MYT1L: variants seen among roughly 807,000 people sequenced by gnomAD.
The protein encoded by MYT1L is myelin transcription factor 1-like protein.
A neutral mutation model predicts 126.7 loss-of-function variants in MYT1L; 12 were observed. The observed-to-expected ratio is 0.09, with a 90% confidence interval of 0.06 to 0.15. The LOEUF is 0.15. MYT1L is among the 10% of genes least tolerant of loss of function. MYT1L has a pLI of 1.00. For synonymous variants in MYT1L, 541 were observed against 604.2 expected (o/e 0.90, Z 1.53); for missense variants, 979 against 1,585.2 (o/e 0.62, Z 6.49).
chr2:2,299,246 G>C (rs1573334667), intron 1 of MYT1L, among the ~76,000 whole-genome samples: 1 of 152,200 alleles, frequency 6.6e-6, no homozygotes, highest in African/African-American at 2.4e-5. Flanking sequence ...TTTCTCTAAG[G>C]GGGAGCACCC....
intron 21 of MYT1L, among the ~76,000 whole-genome samples, chr2:1,823,517 A>G (rs894025493): frequency 2.6e-5 from 4 of 152,166 alleles, no homozygotes; most frequent in African/African-American, 9.6e-5. Flanking sequence ...CAGCTCCCCC[A>G]GGACGGAAGC....
intron 21 of MYT1L, among the ~76,000 whole-genome samples, chr2:1,834,213 C>T (rs1280962457): frequency 6.6e-6 from 1 of 152,216 alleles, no homozygotes; most frequent in Non-Finnish European, 1.5e-5. Flanking sequence ...AGGGGCCCTC[C>T]AAACTCCAAT....
intron 3 of MYT1L, among the ~76,000 whole-genome samples, chr2:2,128,043 C>A (rs541507820): frequency 1.3e-5 from 2 of 152,284 alleles, no homozygotes; most frequent in South Asian, 4.1e-4. Context: ...AGTATCATAA[C>A]AATGCTAATT....
At chr2:1,947,236 T>G (rs1472613734) in intron 8 of MYT1L, among the ~76,000 whole-genome samples, 1 of 152,188 alleles carries the variant, frequency 6.6e-6, no homozygotes, top group East Asian at 1.9e-4. Flanking sequence ...ATTTTCTCCC[T>G]GCTCATTCAC....
chr2:2,253,379 A>G (rs566382255), intron 2 of MYT1L, among the ~76,000 whole-genome samples: 27 of 152,344 alleles, frequency 1.8e-4, no homozygotes, highest in African/African-American at 6.3e-4. Flanking sequence ...CTGAGTCAGC[A>G]TATGAAATTT....
chr2:2,159,020 C>T (rs973435127), intron 3 of MYT1L, among the ~76,000 whole-genome samples: 1 of 152,170 alleles, frequency 6.6e-6, no homozygotes, highest in Non-Finnish European at 1.5e-5. Flanking sequence ...GAAGTCTAAC[C>T]TAACATCTAA....
chr2:2,078,811 G>C (rs2075498274), intron 3 of MYT1L, among the ~76,000 whole-genome samples: 1 of 152,188 alleles, frequency 6.6e-6, no homozygotes, highest in African/African-American at 2.4e-5. Flanking sequence ...TTGCAGGGTA[G>C]AATATCAGTA....
At chr2:2,194,461 A>C (rs1018530049) in intron 2 of MYT1L, among the ~76,000 whole-genome samples, 13 of 152,326 alleles carry the variant, frequency 8.5e-5, no homozygotes, top group African/African-American at 3.1e-4. Context: ...ATGTATAGCT[A>C]TATTCCTTTA....
At chr2:1,961,863 C>T (rs1216790819) in intron 8 of MYT1L, among the ~76,000 whole-genome samples, 1 of 152,094 alleles carries the variant, frequency 6.6e-6, no homozygotes, top group African/African-American at 2.4e-5. Flanking sequence ...TACGGTTTGA[C>T]AGAAGAAATA....
At chr2:2,012,846 T>C (rs773661955) in intron 4 of MYT1L, among the ~76,000 whole-genome samples, 25 of 152,196 alleles carry the variant, frequency 1.6e-4, no homozygotes, top group African/African-American at 3.6e-4. Context: ...GGGTGCCTCA[T>C]TGCACTTCAG....
rs73913418 is a variant in MYT1L, at chr2:1,820,243, T to C, written c.3081-11076A>G. 9.6e-3 allele frequency among the ~76,000 whole-genome samples: 1,461 copies of C among 152,332 alleles called. 27 individuals carry two copies. Among genetic ancestry groups the C allele is most frequent in the African/African-American group, 0.033 (1,387 of 41,574 alleles). ...AATACTGAGTGTGCAATCATTTTCC[T>C]AAGAGTTTTGAAGGCATTGTTCTAT... is the stretch of plus-strand genomic sequence containing the variant. On this transcript the variant is annotated intron_variant, in intron 21 of 24. Coordinates refer to ENST00000647738, the MANE Select transcript of MYT1L (RefSeq NM_001303052.2).
chr2:2,321,965 A>G (rs1021647263), intron 1 of MYT1L, among the ~76,000 whole-genome samples: 1 of 152,202 alleles, frequency 6.6e-6, no homozygotes, highest in East Asian at 1.9e-4. Flanking sequence ...TGGCACACAT[A>G]CTAACCCTAT....
At chr2:1,945,668 A>T (rs952352097) in intron 8 of MYT1L, among the ~76,000 whole-genome samples, 5 of 152,198 alleles carry the variant, frequency 3.3e-5, no homozygotes, top group Non-Finnish European at 5.9e-5. Context: ...ATGAAAAAAT[A>T]TATATATATG....
intron 18 of MYT1L, among the ~76,000 whole-genome samples, chr2:1,856,993 C>G (rs1432752590): frequency 6.6e-6 from 1 of 152,252 alleles, no homozygotes; most frequent in Non-Finnish European, 1.5e-5. Context: ...TGAGGACAAC[C>G]TCCCACCATC....
chr2:2,186,457 C>T (rs537551035), intron 2 of MYT1L, among the ~76,000 whole-genome samples: 1 of 152,344 alleles, frequency 6.6e-6, no homozygotes, highest in South Asian at 2.1e-4. Context: ...AAATATGGAC[C>T]TCGATGAACA....
intron 1 of MYT1L, among the ~76,000 whole-genome samples, chr2:2,328,977 G>A (rs1418823753): frequency 6.6e-6 from 1 of 152,178 alleles, no homozygotes; most frequent in African/African-American, 2.4e-5. Context: ...GGTGATGAAA[G>A]TGAGCCATTT....
At chr2:2,145,724 A>G (rs558511181) in intron 3 of MYT1L, among the ~76,000 whole-genome samples, 1 of 152,312 alleles carries the variant, frequency 6.6e-6, no homozygotes, top group South Asian at 2.1e-4. Flanking sequence ...GGTGGCTTAC[A>G]GCAGACTTTT....
intron 18 of MYT1L, chr2:1,886,252 C>T (rs2048156103): frequency 1.6e-5 from 5 of 310,596 alleles, no homozygotes; most frequent in African/African-American, 2.1e-5. Flanking sequence ...ATTTCCCTTC[C>T]ATATGCATGC....
intron 14 of MYT1L, among the ~76,000 whole-genome samples, chr2:1,897,973 G>A (rs983026117): frequency 6.6e-5 from 10 of 151,902 alleles, no homozygotes. Flanking sequence ...TCTACTGCAG[G>A]AAAAAAGGAA....
Sources: allele counts gnomAD v4.1 joint callset (sites outside exome capture counted in the v4.1 genomes callset), GRCh38; gene constraint gnomAD v4.1.1; transcripts MANE v1.5; gene names NCBI Gene and HGNC (gene_info 2026-07-23, HGNC 2026-07-21).